The following NRAP variants were observed in gnomAD, a reference collection of about 807,000 sequenced individuals.
The protein encoded by NRAP is nebulin-related-anchoring protein.
Under a neutral mutation model 225.9 loss-of-function variants are expected in NRAP, and 189 were observed. The observed-to-expected ratio is 0.84, with a 90% CI of 0.74 to 0.94. The LOEUF (loss-of-function observed/expected upper bound fraction) is 0.94. NRAP is among the 40% of genes least tolerant of loss of function. NRAP has a pLI of 0.00. For missense variants in NRAP, 2,176 were observed against 2,168.7 expected (o/e 1.00, Z -0.07); for synonymous variants, 769 against 790.7 (o/e 0.97, Z 0.46).
chr10:113,634,178 C>T lies in NRAP; in HGVS notation c.1461G>A (p.Lys487=). 6.2e-7 allele frequency: 1 copy of T among 1,613,640 alleles called. No homozygotes were observed. The highest frequency in any genetic ancestry group is 8.5e-7 in the Non-Finnish European group (1 of 1,179,562). Residue 487 remains lysine, a synonymous_variant, in exon 15 of 42, where the codon AAG becomes AAA. Coordinates refer to ENST00000359988, the MANE Select transcript of NRAP (RefSeq NM_198060.4). ...ANYRQSIDKL[K]YSSVTDTPQI... ...GTGGGGTGTCAGTCACCGAGCTGTA[C>T]TTCAACTTGTCGATGCTCTGCCTAT... is the stretch of plus-strand genomic sequence containing the variant.
intron 1 of NRAP, 131 bp from the exon 2 acceptor site, chr10:113,663,577 C>T (rs1850831703): frequency 1.5e-6 from 1 of 666,252 alleles, no homozygotes; most frequent in South Asian, 2.0e-5. Flanking sequence ...AATCCACACA[C>T]ACAGCTATAA....
Position 113,651,987 on chromosome 10 carries a change from C to G in NRAP, c.571-80G>C, listed in dbSNP as rs962516219. On this transcript the variant is annotated intron_variant, in intron 6 of 41. Coordinates refer to ENST00000359988, the MANE Select transcript of NRAP (RefSeq NM_198060.4). ...ACCTCTCCCTGTGGCTCTCCTAAAG[C>G]TGCACCATCAGGCTACACTCAATGC... The G allele has an allele frequency of 3.5e-6, 3 of 868,088 alleles. No individual in the cohort carries two copies. The African/African-American group carries it at 5.0e-5, about 14-fold the overall frequency. The allele number at this position is 868,088 out of a possible 1,614,324, so 53.8% of individuals were successfully genotyped here. A position where few individuals can be genotyped will look rare whatever the true frequency, so the allele number is the denominator to read the frequency against.
chr10:113,605,728 T>C, intron 34 of NRAP, 34 bp downstream of exon 34: 1 of 1,383,758 alleles, frequency 7.2e-7, no homozygotes, highest in South Asian at 1.2e-5. Flanking sequence ...TAACAGAAAT[T>C]AGGCAAGATG....
chr10:113,614,541 T>A (rs1592766425), intron 28 of NRAP, among the ~76,000 whole-genome samples: 1 of 152,110 alleles, frequency 6.6e-6, no homozygotes, highest in African/African-American at 2.4e-5. Flanking sequence ...GGAAGGTGGG[T>A]GCATTGTTAG....
At chr10:113,640,943 T>A (rs1849166596) in intron 13 of NRAP, among the ~76,000 whole-genome samples, 1 of 152,114 alleles carries the variant, frequency 6.6e-6, no homozygotes, top group African/African-American at 2.4e-5. Flanking sequence ...AGGTTTTCAA[T>A]GAATACAATG....
chr10:113,642,845 A>G (rs1367256525), intron 12 of NRAP, 89 bp downstream of exon 12: 2 of 745,526 alleles, frequency 2.7e-6, no homozygotes, highest in African/African-American at 1.7e-5. Context: ...AGACACATAG[A>G]TCCATTCCCA....
intron 37 of NRAP, 28 bp from the exon 38 acceptor site, chr10:113,595,755 T>C (rs1242426751): frequency 8.1e-6 from 12 of 1,476,362 alleles, no homozygotes; most frequent in Non-Finnish European, 1.0e-5. Context: ...TCATGGTAAA[T>C]AGAGAACTGT....
In NRAP at chr10:113,592,243, T is replaced by A. The variant is rs772381197; in HGVS notation, c.4595A>T (p.Asp1532Val). 6.2e-7 allele frequency: 1 copy of A among 1,612,830 alleles called. No homozygotes were observed. The highest frequency in any genetic ancestry group is 8.5e-7 in the Non-Finnish European group (1 of 1,179,300). Residue 1532 changes from aspartate (D) to valine (V), a missense_variant, in exon 39 of 42, where the codon GAT (aspartate) becomes GTT (valine). Coordinates refer to ENST00000359988, the MANE Select transcript of NRAP (RefSeq NM_198060.4). ...TRAGSYDFRL[D>V]AIPFQTARAS... ...CCGGGCAGTCTGGAAGGGGATGGCA[T>A]CCAGCCTGAAGTCATAACTGCCAGC... is the stretch of plus-strand genomic sequence containing the variant.
chr10:113,621,954 T>C lies in NRAP; in HGVS notation c.2684A>G (p.Tyr895Cys), dbSNP rs570456064. 1.3e-4 allele frequency: 210 copies of C among 1,614,246 alleles called. 2 individuals are homozygous for C. The South Asian group carries it at 2.2e-3, about 17-fold the overall frequency. Residue 895 changes from tyrosine (Y) to cysteine (C), a missense_variant, in exon 24 of 42, where the codon TAC (tyrosine) becomes TGC (cysteine). This residue lies in a region of NRAP where 1,708 missense variants were observed against 1,695.5 expected (regional missense o/e 1.01). Transcript: ENST00000359988. Reference sequence around the variant, plus strand: ...CGTAAAGTGATGTTCCGCTGTCTTGTAGCCTACGTCTGTGGCTAAATGCTG... The same window carrying C: ...CGTAAAGTGATGTTCCGCTGTCTTGCAGCCTACGTCTGTGGCTAAATGCTG... ...KAQHLATDVG[Y>C]KTAEHHFTAL...
chr10:113,595,527 C>T, intron 38 of NRAP, 96 bp downstream of exon 38: 1 of 749,890 alleles, frequency 1.3e-6, no homozygotes, highest in Non-Finnish European at 2.3e-6. Flanking sequence ...AGTCCTCCTT[C>T]CTAGAACTTT....
chr10:113,602,800 T>A (rs1846684644), intron 35 of NRAP, among the ~76,000 whole-genome samples: 1 of 152,190 alleles, frequency 6.6e-6, no homozygotes, highest in South Asian at 2.1e-4. Flanking sequence ...GGATCAGGTA[T>A]CATGCTGTTT....
chr10:113,652,859 T>C, intron 6 of NRAP, 76 bp downstream of exon 6: 1 of 972,478 alleles, frequency 1.0e-6, no homozygotes, highest in Non-Finnish European at 1.6e-6. Flanking sequence ...TCTTACTGTT[T>C]TTTCCCTAAA....
rs5788038 is a variant in NRAP, at chr10:113,641,272, ATT to A, written c.1323+91_1323+92del. The stretch of plus-strand genomic sequence containing the variant: ...ACACAGTCTTTAAAATAGAAGACAG[ATT>A]TTTTTTTAAGGGGAATTTAAAAAGA... On this transcript the variant is annotated intron_variant, in intron 13 of 41. Coordinates refer to ENST00000359988, the MANE Select transcript of NRAP (RefSeq NM_198060.4). 69 of 727,064 alleles carry A rather than the reference ATT, an allele frequency of 9.5e-5. 1 individual carries two copies. In the Admixed American group the frequency reaches 1.5e-3, roughly 16 times the overall value. The allele number at this position is 727,064 out of a possible 1,614,324, so 45.0% of individuals were successfully genotyped here. A position where few individuals can be genotyped will look rare whatever the true frequency, so the allele number is the denominator to read the frequency against.
At chr10:113,616,350 G>C (rs1250962336) in intron 26 of NRAP, among the ~76,000 whole-genome samples, 1 of 152,174 alleles carries the variant, frequency 6.6e-6, no homozygotes, top group Non-Finnish European at 1.5e-5. Flanking sequence ...GACACATGCA[G>C]TTGGCATCAG....
rs1554870758 is a variant in NRAP, at chr10:113,655,452, ATT to A, written c.361-1329_361-1328del. Among the ~76,000 whole-genome samples the A allele has an allele frequency of 3.1e-3, 451 of 145,284 alleles. 2 individuals carry two copies. The highest frequency in any genetic ancestry group is 0.011 in the African/African-American group (427 of 39,426). On this transcript the variant is annotated intron_variant, in intron 4 of 41. Coordinates refer to ENST00000359988, the MANE Select transcript of NRAP (RefSeq NM_198060.4). ...TAGGATAGTATGGTATTGTACATCC[ATT>A]TTTTTTTTTTTTTTCCCTTGAGACA... is the stretch of plus-strand genomic sequence containing the variant.
chr10:113,641,470 A>G lies in NRAP; in HGVS notation c.1218T>C (p.Asn406=). ...GGTTCTGGTAGTTTTCTTTATATTT[A>G]TTCTACATGGAAACGCAAAGTTTTC... The part of the protein sequence containing the change: ...VSKISKFTSD[N]KYKENYQNHM... Residue 406 remains asparagine, a splice_region_variant and synonymous_variant, in exon 13 of 42, where the codon AAT becomes AAC. Transcript: ENST00000359988. 1 of 1,604,228 alleles carries G rather than the reference A, an allele frequency of 6.2e-7. No homozygotes were observed. The highest frequency in any genetic ancestry group is 8.5e-7 in the Non-Finnish European group (1 of 1,171,244).
At chr10:113,633,013 A>ATCTTC in intron 16 of NRAP, 71 bp downstream of exon 16, 1 of 835,188 alleles carries the variant, frequency 1.2e-6, no homozygotes, top group Non-Finnish European at 2.1e-6. Flanking sequence ...CACTTGCTGG[A>ATCTTC]CCATCCTGTT....
rs139703946 is a variant in NRAP at position 113,650,136 on chromosome 10, C to T, written c.789G>A (p.Arg263=). The change falls in exon 9 of 42, where the codon AGG becomes AGA. Residue 263 remains arginine, a synonymous_variant. Coordinates refer to ENST00000359988, the MANE Select transcript of NRAP (RefSeq NM_198060.4). The part of the protein sequence containing the change: ...KRANELASDV[R]YHQQYQKEMR... ...TTTCTTTTTGATATTGTTGATGGTA[C>T]CTCACCTGTTTTAAGGCAAAGGACA... The T allele has an allele frequency of 6.2e-7, 1 of 1,604,418 alleles. No homozygotes were observed. The highest frequency in any genetic ancestry group is 1.3e-5 in the African/African-American group (1 of 74,752).
chr10:113,658,628 C>T (rs1850459338), intron 3 of NRAP, among the ~76,000 whole-genome samples: 1 of 152,112 alleles, frequency 6.6e-6, no homozygotes, highest in African/African-American at 2.4e-5. Context: ...CGCCTGCACT[C>T]CCAGCAATTT....
Sources: allele counts gnomAD v4.1 joint callset (sites outside exome capture counted in the v4.1 genomes callset), GRCh38; gene constraint gnomAD v4.1.1; regional missense constraint gnomAD v4.1.1; transcripts MANE v1.5; gene names NCBI Gene and HGNC (gene_info 2026-07-23, HGNC 2026-07-21).